Variants in IQCK observed in about 807,000 individuals in gnomAD.
IQCK encodes IQ motif containing K.
IQCK carries 29 observed loss-of-function variants against 28.1 expected under a neutral mutation model. That is an observed-to-expected ratio of 1.03 (90% CI 0.77 to 1.41). The LOEUF is 1.41. Ranked by LOEUF, IQCK falls within the 40% of genes most tolerant of loss-of-function variation. The pLI, the probability that IQCK is intolerant of heterozygous loss-of-function variation, is 0.00. For missense variants in IQCK, 359 were observed against 314.7 expected (o/e 1.14, Z -1.07); for synonymous variants, 113 against 115.1 (o/e 0.98, Z 0.12).
intron 4 of IQCK, among the ~76,000 whole-genome samples, chr16:19,744,476 A>G (rs1235768770): frequency 3.3e-5 from 5 of 152,190 alleles, no homozygotes; most frequent in Non-Finnish European, 7.3e-5. Flanking sequence ...TGTAAAATTC[A>G]GCATATTTAA....
At position 19,726,704 on chromosome 16, in the gene IQCK, C is replaced by T. The variant is rs558015367; in HGVS notation, c.182-3726C>T. ...AATAGATATAAATGAATGAATAAGC[C>T]GTTAAAAGTAACTTACGATATGGTT... is the stretch of plus-strand genomic sequence containing the variant. On this transcript the variant is annotated intron_variant, in intron 1 of 7. Transcript: ENST00000564186. Among the ~76,000 whole-genome samples the T allele has an allele frequency of 1.1e-4, 16 of 152,146 alleles. No individual in the cohort carries two copies. The South Asian group carries it at 2.9e-3, about 28-fold the overall frequency.
In IQCK at chr16:19,825,820, G is replaced by A. The variant is rs899119392; in HGVS notation, c.691-1206G>A. 1.9e-4 allele frequency among the ~76,000 whole-genome samples: 29 copies of A among 152,288 alleles called. No individual in the cohort carries two copies. Among genetic ancestry groups the A allele is most frequent in the Middle Eastern group, 3.4e-3 (1 of 294 alleles). On this transcript the variant is annotated intron_variant, in intron 7 of 7. Coordinates refer to ENST00000564186, the Ensembl canonical transcript of IQCK. The surrounding 1 kb of genome is among the most constrained non-coding windows in gnomAD (Gnocchi z 4.2). ...CAACGTCTAGCACAAAAGTTGGTAT[G>A]AAGTAAGCAGTCAGTGTTAAATAGA...
At chr16:19,819,065 C>T (rs2056028321) in intron 7 of IQCK, among the ~76,000 whole-genome samples, 1 of 152,160 alleles carries the variant, frequency 6.6e-6, no homozygotes, top group Non-Finnish European at 1.5e-5. Flanking sequence ...GAGGCCTTTG[C>T]TATAGAAGAA....
chr16:19,736,946 G>A (rs1482810970), intron 4 of IQCK, among the ~76,000 whole-genome samples: 6 of 146,026 alleles, frequency 4.1e-5, no homozygotes, highest in African/African-American at 7.8e-5. Context: ...CCAGGAGTTC[G>A]AGACCAGCCT....
chr16:19,780,853 A>C (rs931742468), intron 6 of IQCK, among the ~76,000 whole-genome samples: 2 of 152,244 alleles, frequency 1.3e-5, no homozygotes, highest in African/African-American at 4.8e-5. Flanking sequence ...AGAAGCGCAT[A>C]TATTACTATA....
chr16:19,735,464 C>T lies in IQCK; in HGVS notation c.474+14C>T. Reference sequence around the variant, plus strand: ...AAATGTTTTGAGGTCAGTTGTTTGGCAGGATTTCTTTATTTTGAGATTCTC... The same window carrying T: ...AAATGTTTTGAGGTCAGTTGTTTGGTAGGATTTCTTTATTTTGAGATTCTC... On this transcript the variant is annotated intron_variant, in intron 4 of 7. Transcript: ENST00000564186. The T allele has an allele frequency of 6.4e-7, 1 of 1,558,650 alleles. No individual in the cohort carries two copies. Among genetic ancestry groups the T allele is most frequent in the Non-Finnish European group, 8.9e-7 (1 of 1,129,502 alleles).
chr16:19,837,459 T>A (rs572758005), intron 9 of IQCK, among the ~76,000 whole-genome samples: 1 of 152,260 alleles, frequency 6.6e-6, no homozygotes, highest in East Asian at 1.9e-4. Flanking sequence ...AGCTCCTGCC[T>A]TTTACCATCA....
chr16:19,836,861 G>T (rs1377531968), intron 9 of IQCK, among the ~76,000 whole-genome samples: 1 of 152,052 alleles, frequency 6.6e-6, no homozygotes, highest in African/African-American at 2.4e-5. Flanking sequence ...ACCCCTAGAC[G>T]GCTCATGACC....
At chr16:19,732,088 C>A (rs373004071) in intron 2 of IQCK, among the ~76,000 whole-genome samples, 1 of 152,200 alleles carries the variant, frequency 6.6e-6, no homozygotes, top group Admixed American at 6.5e-5. Context: ...CCTTCCTCAA[C>A]GTTTTGTTCC....
intron 4 of IQCK, among the ~76,000 whole-genome samples, chr16:19,740,702 G>A (rs1360393435): frequency 6.6e-6 from 1 of 152,142 alleles, no homozygotes; most frequent in Non-Finnish European, 1.5e-5. Flanking sequence ...CGGGCACGGT[G>A]GGTCATGCCT....
At chr16:19,844,969 T>C (rs1597609014) in intron 9 of IQCK, among the ~76,000 whole-genome samples, 1 of 152,084 alleles carries the variant, frequency 6.6e-6, no homozygotes, top group Non-Finnish European at 1.5e-5. Context: ...TCACCATGCC[T>C]GACTAATTTT....
chr16:19,830,138 A>G (rs1432710124), downstream of IQCK, among the ~76,000 whole-genome samples: 2 of 152,220 alleles, frequency 1.3e-5, no homozygotes, highest in Non-Finnish European at 2.9e-5. Context: ...CTGCCCTTGT[A>G]AAGAAGCAGC....
intron 9 of IQCK, among the ~76,000 whole-genome samples, chr16:19,840,266 G>A (rs2056349855): frequency 6.6e-6 from 1 of 152,054 alleles, no homozygotes; most frequent in African/African-American, 2.4e-5. Context: ...TGAAGCAGGA[G>A]AATCGCTTAA....
intron 6 of IQCK, among the ~76,000 whole-genome samples, chr16:19,768,717 G>A (rs1567550022): frequency 6.6e-6 from 1 of 152,162 alleles, no homozygotes; most frequent in Admixed American, 6.6e-5. Context: ...CTGCACTCCA[G>A]CCTGGGTGAC....
At chr16:19,841,869 C>G (rs1370877245) in intron 9 of IQCK, among the ~76,000 whole-genome samples, 1 of 145,982 alleles carries the variant, frequency 6.9e-6, no homozygotes, top group African/African-American at 2.5e-5. Context: ...TTTTGAGACG[C>G]AGTTTTGTTC....
chr16:19,759,814 C>G (rs185246142), intron 4 of IQCK, among the ~76,000 whole-genome samples: 1 of 152,088 alleles, frequency 6.6e-6, no homozygotes, highest in African/African-American at 2.4e-5. Context: ...CTCATCTCTA[C>G]AAAAAGTTTT....
intron 7 of IQCK, among the ~76,000 whole-genome samples, chr16:19,814,786 C>CTTTT (rs35073247): frequency 4.3e-4 from 53 of 122,414 alleles, no homozygotes; most frequent in African/African-American, 1.5e-3. Context: ...TAAAGAGGGT[C>CTTTT]TTTTTTTTTT....
chr16:19,748,413 G>A (rs902813526), intron 4 of IQCK, among the ~76,000 whole-genome samples: 3 of 152,030 alleles, frequency 2.0e-5, no homozygotes, highest in African/African-American at 7.2e-5. Flanking sequence ...GTGACTTTGG[G>A]CAAGGTATTT....
rs981334110 is a variant in IQCK at position 19,718,320 on chromosome 16, G to T, written c.14G>T (p.Arg5Leu). 3 of 1,607,384 alleles carry T rather than the reference G, an allele frequency of 1.9e-6. No homozygotes were observed. In the African/African-American group the frequency reaches 4.0e-5, roughly 22 times the overall value. The change falls in exon 1 of 8, where the codon CGG becomes CTG. Residue 5 changes from arginine (R) to leucine (L), a missense_variant. Physicochemically the swap from Arg to Leu is moderately radical, Grantham distance 102 (BLOSUM62 -2). Coordinates refer to ENST00000564186, the Ensembl canonical transcript of IQCK. ...GAAACCGCGGCCATGGCGGCACCGC[G>T]GCAAATCCCCAGCCACATAGTGCGC...
Sources: allele counts gnomAD v4.1 joint callset (sites outside exome capture counted in the v4.1 genomes callset), GRCh38; gene constraint gnomAD v4.1.1; non-coding constraint Gnocchi (gnomAD v3.1); transcripts MANE v1.5; gene names NCBI Gene and HGNC (gene_info 2026-07-23, HGNC 2026-07-21).